The following RGS9 variants were observed in gnomAD, a reference collection of about 807,000 sequenced individuals.
RGS9 encodes the protein regulator of G protein signaling 9.
RGS9 carries 78 observed loss-of-function variants against 102.0 expected under a neutral mutation model. That is an observed-to-expected ratio of 0.76 (90% confidence interval 0.64 to 0.92). The LOEUF is 0.92. Ranked by LOEUF, RGS9 falls within the 40% of genes least tolerant of loss-of-function variation. The pLI is 0.00. For missense variants in RGS9, 833 were observed against 866.1 expected, an observed-to-expected ratio of 0.96 and a Z score of 0.48; for synonymous variants, 353 against 318.6, an observed-to-expected ratio of 1.11 and a Z score of -1.15.
intron 7 of RGS9, among the ~76,000 whole-genome samples, chr17:65,166,627 A>G (rs1911192527): frequency 6.6e-6 from 1 of 152,214 alleles, no homozygotes; most frequent in African/African-American, 2.4e-5. Context: ...CTTGCATTCC[A>G]TTTATCATGA....
At position 65,180,188 on chromosome 17, in the gene RGS9, C is replaced by T. The variant is rs1430194015; in HGVS notation, c.654+2385C>T. Reference sequence around the variant, plus strand: ...TCCCCTGTGTTCCCGGGTTAATCTGCCCTGAGAGAAGAGGGTTGCCAAGAG... The same window carrying T: ...TCCCCTGTGTTCCCGGGTTAATCTGTCCTGAGAGAAGAGGGTTGCCAAGAG... On this transcript the variant is annotated intron_variant, in intron 9 of 18. Transcript: ENST00000262406. 4.6e-5 allele frequency among the ~76,000 whole-genome samples: 7 copies of T among 152,178 alleles called. No individual in the cohort carries two copies. The East Asian group carries it at 1.4e-3, about 29-fold the overall frequency.
At chr17:65,139,801 C>G (rs1305240787) in intron 1 of RGS9, among the ~76,000 whole-genome samples, 1 of 152,216 alleles carries the variant, frequency 6.6e-6, no homozygotes, top group Non-Finnish European at 1.5e-5. Context: ...TCCTCTATAT[C>G]TATGTATGTA....
intron 8 of RGS9, among the ~76,000 whole-genome samples, chr17:65,170,374 C>A (rs1484517895): frequency 1.3e-5 from 2 of 152,136 alleles, no homozygotes; most frequent in African/African-American, 4.8e-5. Flanking sequence ...TCTTATTGAA[C>A]CTTTGCAGCC....
chr17:65,185,150 C>T (rs1912061535), intron 9 of RGS9, among the ~76,000 whole-genome samples: 1 of 152,176 alleles, frequency 6.6e-6, no homozygotes, highest in African/African-American at 2.4e-5. Flanking sequence ...CCTAGAAGAG[C>T]AGAGATCCCT....
intron 17 of RGS9, among the ~76,000 whole-genome samples, chr17:65,221,733 A>G (rs969447667): frequency 1.3e-5 from 2 of 152,208 alleles, no homozygotes; most frequent in Non-Finnish European, 2.9e-5. Flanking sequence ...GGAGGCCCCA[A>G]CAGATTCGGG....
At chr17:65,191,682 G>C (rs75785666) in intron 11 of RGS9, among the ~76,000 whole-genome samples, 11,851 of 152,108 alleles carry the variant, frequency 0.078, 571 homozygotes, top group Middle Eastern at 0.14. Flanking sequence ...AGGAGGAGGT[G>C]GCTTCAGTGA....
In RGS9 at chr17:65,225,127, C is replaced by A. The variant is rs776630747; in HGVS notation, c.1533C>A (p.Ser511Arg). 1.2e-6 allele frequency: 2 copies of A among 1,613,822 alleles called. No homozygotes were observed. Among genetic ancestry groups the A allele is most frequent in the Non-Finnish European group, 8.5e-7 (1 of 1,180,032 alleles). The change falls in exon 18 of 19, where the codon AGC becomes AGA. Residue 511 changes from serine to arginine, a missense_variant. Ser to Arg is a moderately radical substitution (Grantham distance 110). Transcript: ENST00000262406. The part of the protein sequence containing the change: ...RSPRKPFASP[S>R]RFIRRPSTTI... ...CCAGGAAGCCTTTCGCCTCACCCAG[C>A]CGCTTCATCCGGCGACCCAGCACCA...
chr17:65,137,594 A>G lies in RGS9; in HGVS notation c.54A>G (p.Gln18=). Reference sequence around the variant, plus strand: ...ACAGGCCGAGGATGGCATTTCTCCAAAAGGTAACCCTGGCCCCTCACCTGG... The same window carrying G: ...ACAGGCCGAGGATGGCATTTCTCCAGAAGGTAACCCTGGCCCCTCACCTGG... ...QQYRPRMAFL[Q]KIEALVKDMQ... is the part of the protein sequence containing the mutation. Residue 18 remains glutamine, a synonymous_variant, in exon 1 of 19, where the codon CAA becomes CAG. Transcript: ENST00000262406. 1 of 1,613,604 alleles carries G rather than the reference A, an allele frequency of 6.2e-7. No individual in the cohort carries two copies. The highest frequency in any genetic ancestry group is 8.5e-7 in the Non-Finnish European group (1 of 1,179,944).
Position 65,225,066 on chromosome 17 carries a change from C to G in RGS9, c.1472C>G (p.Ser491Cys). The G allele has an allele frequency of 6.2e-7, 1 of 1,614,054 alleles. No individual in the cohort carries two copies. Among genetic ancestry groups the G allele is most frequent in the East Asian group, 2.2e-5 (1 of 44,884 alleles). Reference sequence around the variant, plus strand: ...TACACCGGGACCTGCATGCCCCCGTCTCCTTCTAGCCCCTTCTCCTCCTCC... The same window carrying G: ...TACACCGGGACCTGCATGCCCCCGTGTCCTTCTAGCCCCTTCTCCTCCTCC... ...TVYTGTCMPP[S>C]PSSPFSSSCR... The change falls in exon 18 of 19, where the codon TCT (serine) becomes TGT (cysteine). Residue 491 changes from serine (S) to cysteine (C), a missense_variant. Transcript: ENST00000262406.
intron 17 of RGS9, among the ~76,000 whole-genome samples, chr17:65,224,296 T>G (rs958838109): frequency 6.6e-6 from 1 of 152,114 alleles, no homozygotes. Context: ...CCCAGGAAGG[T>G]TGAGATACTT....
At chr17:65,146,990 C>T (rs1053637720) in intron 1 of RGS9, among the ~76,000 whole-genome samples, 1 of 152,168 alleles carries the variant, frequency 6.6e-6, no homozygotes, top group Non-Finnish European at 1.5e-5. Context: ...ACTCCTGCAG[C>T]CTGTTGCCTC....
chr17:65,223,619 G>A (rs1310986290), intron 17 of RGS9, among the ~76,000 whole-genome samples: 1 of 152,242 alleles, frequency 6.6e-6, no homozygotes, highest in Non-Finnish European at 1.5e-5. Flanking sequence ...CCAGATCCCG[G>A]GGTCAGCCAG....
intron 17 of RGS9, among the ~76,000 whole-genome samples, chr17:65,223,639 A>G (rs1375612378): frequency 6.6e-6 from 1 of 152,064 alleles, no homozygotes; most frequent in Non-Finnish European, 1.5e-5. Flanking sequence ...GCTCTCACTG[A>G]GCAGGGCAAC....
intron 16 of RGS9, among the ~76,000 whole-genome samples, chr17:65,208,943 C>A (rs1353999392): frequency 6.6e-6 from 1 of 152,198 alleles, no homozygotes; most frequent in Non-Finnish European, 1.5e-5. Context: ...TGGTGCTATT[C>A]TTCTGGGTTT....
intron 1 of RGS9, among the ~76,000 whole-genome samples, chr17:65,149,535 A>G (rs769942154): frequency 5.3e-5 from 8 of 152,128 alleles, no homozygotes; most frequent in Non-Finnish European, 1.0e-4. Flanking sequence ...ACCTATACTT[A>G]TTTGGTTTGT....
chr17:65,159,894 C>G (rs533912803), intron 3 of RGS9, among the ~76,000 whole-genome samples: 1 of 152,324 alleles, frequency 6.6e-6, no homozygotes, highest in African/African-American at 2.4e-5. Flanking sequence ...CTTTCCCAGA[C>G]CCAAAGGGCC....
At chr17:65,204,427 G>A (rs1159747879) in intron 15 of RGS9, 126 bp downstream of exon 15, 17 of 1,165,002 alleles carry the variant, frequency 1.5e-5, no homozygotes, top group Admixed American at 2.0e-5. Flanking sequence ...GTTGTGGCAT[G>A]CAGCTAAGCA....
intron 12 of RGS9, among the ~76,000 whole-genome samples, chr17:65,196,905 C>T (rs1021404371): frequency 7.9e-5 from 12 of 152,226 alleles, no homozygotes; most frequent in African/African-American, 2.9e-4. Context: ...GCATCCTCCT[C>T]ACCTCTGGGA....
chr17:65,165,362 CT>C (rs879670429), intron 7 of RGS9, among the ~76,000 whole-genome samples: 13 of 152,192 alleles, frequency 8.5e-5, no homozygotes, highest in East Asian at 1.9e-4. Context: ...AAAAGGCTTG[CT>C]CCATTTGAGA....
Sources: allele counts gnomAD v4.1 joint callset (sites outside exome capture counted in the v4.1 genomes callset), GRCh38; gene constraint gnomAD v4.1.1; transcripts MANE v1.5; gene names NCBI Gene and HGNC (gene_info 2026-07-23, HGNC 2026-07-21).